MED17: variants seen among roughly 807,000 people sequenced by gnomAD.
The protein encoded by MED17 is mediator complex subunit 17.
MED17 carries 49 observed loss-of-function variants against 80.8 expected under a neutral mutation model. The observed-to-expected ratio is 0.61, with a 90% CI of 0.48 to 0.77. The LOEUF is 0.77. Ranked by LOEUF, MED17 falls within the 30% of genes least tolerant of loss-of-function variation. The pLI is 0.00. For missense variants in MED17, 718 were observed against 787.0 expected, an observed-to-expected ratio of 0.91 and a Z score of 1.05; for synonymous variants, 281 against 280.4, an observed-to-expected ratio of 1.00 and a Z score of -0.02.
At position 93,784,465 on chromosome 11, in the gene MED17, GT is replaced by G. The variant is rs748921356; in HGVS notation, c.-43del. 3.2e-6 allele frequency: 5 copies of G among 1,562,918 alleles called. No homozygotes were observed. The highest frequency in any genetic ancestry group is 3.5e-6 in the Non-Finnish European group (4 of 1,154,432). On this transcript the variant is annotated 5_prime_UTR_variant, in exon 1 of 12. Coordinates refer to ENST00000251871, the MANE Select transcript of MED17 (RefSeq NM_004268.5). ...CAGGGAAGCCTCCTCTTCGTACCTCGTTTTTTGGCTCGTGGGGGGTCCTCCC... is the reference window on the plus strand; with the variant it reads ...CAGGGAAGCCTCCTCTTCGTACCTCGTTTTTGGCTCGTGGGGGGTCCTCCC...
chr11:93,808,074 G>A (rs1944044504), intron 10 of MED17: 1 of 215,542 alleles, frequency 4.6e-6, no homozygotes, highest in Admixed American at 5.4e-5. Flanking sequence ...AGAAAGTGAT[G>A]GGTTTGAGGC....
chr11:93,794,126 A>G, intron 5 of MED17, 91 bp downstream of exon 5: 2 of 1,038,790 alleles, frequency 1.9e-6, no homozygotes, highest in South Asian at 1.3e-5. Context: ...GAAAAAATAG[A>G]TAGTTTGAAG....
chr11:93,796,098 C>T (rs570848069), intron 6 of MED17: 80 of 347,056 alleles, frequency 2.3e-4, no homozygotes, highest in South Asian at 1.7e-3. Flanking sequence ...TACAGGCACA[C>T]GCCACCATGC....
intron 5 of MED17, chr11:93,794,499 CT>C (rs1395681504): frequency 5.5e-5 from 14 of 252,534 alleles, no homozygotes; most frequent in Admixed American, 4.2e-4. Context: ...CCACCAGCAC[CT>C]TTTTTTAAGA....
In MED17 at chr11:93,801,708, G is replaced by T. The variant is rs575515983; in HGVS notation, c.1329-127G>T. The stretch of plus-strand genomic sequence containing the variant: ...CTACCTCTGCCTTTATTTAAAGTCT[G>T]CCTACACATAGTGGTAGTTTAAAAA... On this transcript the variant is annotated intron_variant, in intron 8 of 11. Coordinates refer to ENST00000251871, the MANE Select transcript of MED17 (RefSeq NM_004268.5). The T allele has an allele frequency of 3.1e-5, 26 of 842,940 alleles. No individual in the cohort carries two copies. The East Asian group carries it at 7.0e-4, about 23-fold the overall frequency. The allele number at this position is 842,940 out of a possible 1,614,324, so 52.2% of individuals were successfully genotyped here.
At chr11:93,802,043 T>G (rs1943968873) in intron 9 of MED17, 71 bp downstream of exon 9, 2 of 1,417,322 alleles carry the variant, frequency 1.4e-6, no homozygotes, top group Non-Finnish European at 2.0e-6. Context: ...AGTAATTATA[T>G]TAAGCATTTG....
chr11:93,793,568 G>A (rs2135712954), intron 3 of MED17, 160 bp from the exon 4 acceptor site: 1 of 565,240 alleles, frequency 1.8e-6, no homozygotes, highest in Non-Finnish European at 3.1e-6. Flanking sequence ...TCTTTCCTTT[G>A]TTCACCATTC....
chr11:93,801,943 C>G lies in MED17; in HGVS notation c.1437C>G (p.Ile479Met). Residue 479 changes from isoleucine to methionine, a missense_variant, in exon 9 of 12, where the codon ATC (isoleucine) becomes ATG (methionine). By Grantham distance (10) the Ile-to-Met change is conservative. Coordinates refer to ENST00000251871, the MANE Select transcript of MED17 (RefSeq NM_004268.5). ...ATGAATCTAGTGTGAAAGTTTTAAT[C>G]ACATCACAAGGCTATGAACAAATAT... ...DVYESSVKVL[I>M]TSQGYEQICK... 1 of 1,612,396 alleles carries G rather than the reference C, an allele frequency of 6.2e-7. No individual in the cohort carries two copies. The highest frequency in any genetic ancestry group is 8.5e-7 in the Non-Finnish European group (1 of 1,179,598).
chr11:93,798,098 T>G (rs1386892724), intron 8 of MED17, among the ~76,000 whole-genome samples: 1 of 152,256 alleles, frequency 6.6e-6, no homozygotes, highest in East Asian at 1.9e-4. Flanking sequence ...GAGGGCACTT[T>G]CCTTATGTTA....
At chr11:93,798,415 G>C (rs1475529371) in intron 8 of MED17, among the ~76,000 whole-genome samples, 1 of 152,146 alleles carries the variant, frequency 6.6e-6, no homozygotes, top group Non-Finnish European at 1.5e-5. Context: ...TTATGCCTTG[G>C]TAGTACTCCA....
intron 11 of MED17, 188 bp downstream of exon 11, chr11:93,810,064 A>G (rs1944070290): frequency 1.6e-6 from 1 of 616,224 alleles, no homozygotes; most frequent in Non-Finnish European, 2.8e-6. Flanking sequence ...TCTTTCTAGT[A>G]ATTATAATAA....
At chr11:93,800,327 T>C (rs1943948755) in intron 8 of MED17, among the ~76,000 whole-genome samples, 1 of 151,896 alleles carries the variant, frequency 6.6e-6, no homozygotes, top group Non-Finnish European at 1.5e-5. Flanking sequence ...TTTATTATTA[T>C]TTTTTTAATT....
chr11:93,784,811 C>G (rs765169594), intron 1 of MED17, 48 bp downstream of exon 1: 1 of 1,530,998 alleles, frequency 6.5e-7, no homozygotes, highest in Non-Finnish European at 8.7e-7. Flanking sequence ...GGTCCCAGCA[C>G]CCGCGCGGGC....
At chr11:93,802,994 T>C (rs1231060952) in intron 9 of MED17, among the ~76,000 whole-genome samples, 1 of 152,230 alleles carries the variant, frequency 6.6e-6, no homozygotes, top group Non-Finnish European at 1.5e-5. Flanking sequence ...TGTTAGTTGC[T>C]TTATTTCCTT....
chr11:93,814,867 A>G lies in MED17; in HGVS notation c.*2803A>G, dbSNP rs1944117576. On this transcript the variant is annotated 3_prime_UTR_variant, in exon 12 of 12. Coordinates refer to ENST00000251871, the MANE Select transcript of MED17 (RefSeq NM_004268.5). ...ACCTGATTATCTCATGTTGATCAGGAATTGTAATTGGCCCTTAAATGCTGG... is the reference window on the plus strand; with the variant it reads ...ACCTGATTATCTCATGTTGATCAGGGATTGTAATTGGCCCTTAAATGCTGG... 1 of 152,210 alleles carries G rather than the reference A, an allele frequency of 6.6e-6. No homozygotes were observed. The highest frequency in any genetic ancestry group is 1.5e-5 in the Non-Finnish European group (1 of 68,034). The allele number at this position is 152,210 out of a possible 1,614,324, so 9.4% of individuals were successfully genotyped here.
At chr11:93,799,730 C>T (rs1292591848) in intron 8 of MED17, among the ~76,000 whole-genome samples, 2 of 152,156 alleles carry the variant, frequency 1.3e-5, no homozygotes, top group Non-Finnish European at 2.9e-5. Context: ...GAGCTGTGAT[C>T]ACACCCCGCT....
rs759948302 is a variant in MED17, at chr11:93,794,012, G to A, written c.836G>A (p.Arg279Gln). 3.1e-6 allele frequency: 5 copies of A among 1,613,580 alleles called. No homozygotes were observed. The highest frequency in any genetic ancestry group is 1.3e-5 in the African/African-American group (1 of 74,856). ...GDLGTVNLFK[R>Q]PLPKSKPGSP... is the part of the protein sequence containing the mutation. ...CTCGGCACAGTTAACCTCTTCAAAC[G>A]ACCTTTGCCCAAATCCAAACCAGGT... Residue 279 changes from arginine (R) to glutamine (Q), a missense_variant, in exon 5 of 12, where the codon CGA (arginine) becomes CAA (glutamine). Physicochemically the swap from Arg to Gln is conservative, Grantham distance 43. Coordinates refer to ENST00000251871, the MANE Select transcript of MED17 (RefSeq NM_004268.5).
chr11:93,809,982 T>C (rs1380051247), intron 11 of MED17, 106 bp downstream of exon 11: 3 of 1,138,384 alleles, frequency 2.6e-6, no homozygotes, highest in African/African-American at 3.1e-5. Context: ...TGCAATAAAT[T>C]AGTTAATGTT....
In MED17 at chr11:93,812,295, AAT is replaced by A. The variant is rs150825608; in HGVS notation, c.*234_*235del. On this transcript the variant is annotated 3_prime_UTR_variant, in exon 12 of 12. Transcript: ENST00000251871. ...TATACAGTATGACAAGATGTAAAAT[AAT>A]ATGTTTTTCATGCAGTTTAAAATAT... The A allele has an allele frequency of 1.6e-3, 920 of 577,954 alleles. 6 individuals carry two copies. Among genetic ancestry groups the A allele is most frequent in the African/African-American group, 0.015 (821 of 53,780 alleles). 35.8% of individuals were successfully genotyped at this position (577,954 alleles called of 1,614,324 possible). A position where few individuals can be genotyped will look rare whatever the true frequency, so the allele number is the denominator to read the frequency against.
Sources: gnomAD v4.1 joint callset for allele counts (sites outside exome capture counted in the v4.1 genomes callset) on GRCh38, gnomAD v4.1.1 for gene constraint, MANE v1.5 for transcripts, NCBI Gene and HGNC (gene_info 2026-07-23, HGNC 2026-07-21) for gene names.